The following SAMD5 variants were observed in gnomAD, a reference collection of about 807,000 sequenced individuals.
The protein encoded by SAMD5 is sterile alpha motif domain-containing protein 5.
Under a neutral mutation model 11.3 loss-of-function variants are expected in SAMD5, and 13 were observed. The ratio of observed to expected loss-of-function variants is 1.15; its 90% CI spans 0.75 to 1.83. The LOEUF is 1.83. Ranked by LOEUF, SAMD5 falls within the 40% of genes most tolerant of loss-of-function variation. The pLI is 0.00. For synonymous variants in SAMD5, 129 were observed against 111.3 expected (o/e 1.16, Z -1.00); for missense variants, 255 against 239.1 (o/e 1.07, Z -0.44).
At chr6:147,556,865 T>C (rs2128443668) in intron 1 of SAMD5, among the ~76,000 whole-genome samples, 1 of 152,312 alleles carries the variant, frequency 6.6e-6, no homozygotes. Context: ...AGAGCAATGC[T>C]TGAAAGTGGC....
At chr6:147,740,847 CAT>C (rs1791869954), downstream of SAMD5, among the ~76,000 whole-genome samples, 1 of 152,196 alleles carries the variant, frequency 6.6e-6, no homozygotes, top group Non-Finnish European at 1.5e-5. Flanking sequence ...CAAGGCTAAA[CAT>C]ACACACGAAG....
chr6:147,569,927 G>A lies in SAMD5; in HGVS notation c.*5471G>A. The A allele has an allele frequency of 1.0e-6, 1 of 984,744 alleles. No homozygotes were observed. The highest frequency in any genetic ancestry group is 1.2e-6 in the Non-Finnish European group (1 of 829,404). The allele number at this position is 984,744 out of a possible 1,614,324, so 61.0% of individuals were successfully genotyped here. A position where few individuals can be genotyped will look rare whatever the true frequency, so the allele number is the denominator to read the frequency against. On this transcript the variant is annotated 3_prime_UTR_variant, in exon 2 of 2. Transcript: ENST00000367474. ...AGAAGGCACTATGAAAAGCCTAATT[G>A]GAATAGCATTATGAACCATGTAATG...
downstream of SAMD5, among the ~76,000 whole-genome samples, chr6:147,739,375 C>T (rs541257101): frequency 1.7e-3 from 263 of 152,264 alleles, 1 homozygote; most frequent in Non-Finnish European, 3.1e-3. Context: ...GCCGGAAGAC[C>T]ATTTGAGCCC....
At chr6:147,591,054 A>T (rs1789445595) in intron 1 of SAMD5, among the ~76,000 whole-genome samples, 1 of 152,160 alleles carries the variant, frequency 6.6e-6, no homozygotes, top group South Asian at 2.1e-4. Context: ...AAGCTGTTAA[A>T]CAATGTAAAA....
the SAMD5 span, among the ~76,000 whole-genome samples, chr6:147,883,803 G>A: frequency 6.6e-6 from 1 of 152,154 alleles, no homozygotes; most frequent in Non-Finnish European, 1.5e-5. Context: ...CACTGCAAAT[G>A]TAATAATAAA....
Position 147,508,997 on chromosome 6 carries a change from G to A in SAMD5, c.69G>A (p.Val23=). 3 of 1,603,910 alleles carry A rather than the reference G, an allele frequency of 1.9e-6. No individual in the cohort carries two copies. Among genetic ancestry groups the A allele is most frequent in the Non-Finnish European group, 2.6e-6 (3 of 1,175,804 alleles). The stretch of plus-strand genomic sequence containing the variant: ...TTCCGCAGTACGCGGAGTCCTTCGT[G>A]GATAACGGCTACGATGACCTGGAGG... The part of the protein sequence containing the change: ...LQLPQYAESF[V]DNGYDDLEVC... Residue 23 remains valine, a synonymous_variant, in exon 1 of 2, where the codon GTG becomes GTA. Transcript: ENST00000367474.
At chr6:147,710,137 T>G (rs1791376439) in intron 1 of SAMD5, among the ~76,000 whole-genome samples, 1 of 152,222 alleles carries the variant, frequency 6.6e-6, no homozygotes, top group Non-Finnish European at 1.5e-5. Context: ...GTTCCTGTTG[T>G]GAACAAGCTC....
chr6:147,810,245 G>A, the SAMD5 span, among the ~76,000 whole-genome samples: 1 of 152,276 alleles, frequency 6.6e-6, no homozygotes, highest in South Asian at 2.1e-4. Context: ...AGAGATATTA[G>A]TATCAGTATC....
chr6:147,579,966 A>G (rs57341873), intron 1 of SAMD5, among the ~76,000 whole-genome samples: 3,857 of 152,304 alleles, frequency 0.025, 160 homozygotes, highest in African/African-American at 0.088. Flanking sequence ...TTCTTTCTAG[A>G]GAAATATAGT....
the SAMD5 span, among the ~76,000 whole-genome samples, chr6:147,834,994 C>T: frequency 2.0e-5 from 3 of 152,090 alleles, no homozygotes; most frequent in Non-Finnish European, 4.4e-5. Context: ...TTTGGGAGGC[C>T]GAGGTGGGCT....
At chr6:147,631,155 T>C (rs1204158037) in intron 1 of SAMD5, among the ~76,000 whole-genome samples, 1 of 152,170 alleles carries the variant, frequency 6.6e-6, no homozygotes, top group Admixed American at 6.5e-5. Context: ...TAAGGGGTGA[T>C]ATTGTGGGGT....
intron 1 of SAMD5, among the ~76,000 whole-genome samples, chr6:147,731,369 G>A (rs1791710106): frequency 6.6e-6 from 1 of 152,130 alleles, no homozygotes; most frequent in Admixed American, 6.5e-5. Context: ...AGTCTTGGAA[G>A]GTTAATATAT....
chr6:147,933,825 A>G, the SAMD5 span, among the ~76,000 whole-genome samples: 4 of 152,210 alleles, frequency 2.6e-5, no homozygotes, highest in South Asian at 2.1e-4. Context: ...CACAAAAATC[A>G]TATCCTGAGG....
intron 1 of SAMD5, among the ~76,000 whole-genome samples, chr6:147,664,609 A>T (rs369751555): frequency 1.5e-4 from 23 of 152,308 alleles, no homozygotes; most frequent in African/African-American, 5.3e-4. Flanking sequence ...ATCTCCATAT[A>T]ATGAAAATAA....
At chr6:147,716,447 G>A (rs1791468301) in intron 1 of SAMD5, among the ~76,000 whole-genome samples, 1 of 152,256 alleles carries the variant, frequency 6.6e-6, no homozygotes, top group African/African-American at 2.4e-5. Flanking sequence ...TGGGTCCACA[G>A]CTGTGGCTTG....
At chr6:147,882,278 T>C in the SAMD5 span, among the ~76,000 whole-genome samples, 8 of 152,316 alleles carry the variant, frequency 5.3e-5, no homozygotes, top group South Asian at 1.7e-3. Flanking sequence ...CATTATTTTA[T>C]AGAGCAGGAA....
At chr6:147,735,207 T>C (rs1554247835) in intron 1 of SAMD5, among the ~76,000 whole-genome samples, 2 of 152,240 alleles carry the variant, frequency 1.3e-5, no homozygotes, top group Non-Finnish European at 2.9e-5. Context: ...TGATAATTAA[T>C]GGATGATGGC....
At chr6:147,629,463 A>G (rs1248263097) in intron 1 of SAMD5, among the ~76,000 whole-genome samples, 4 of 152,230 alleles carry the variant, frequency 2.6e-5, no homozygotes, top group Non-Finnish European at 5.9e-5. Flanking sequence ...AAAAGCCCAT[A>G]TTTAGATTCA....
chr6:147,765,523 G>C, the SAMD5 span, among the ~76,000 whole-genome samples: 3,321 of 152,286 alleles, frequency 0.022, 59 homozygotes, highest in Non-Finnish European at 0.032. Flanking sequence ...CCAGAGAAAA[G>C]GCAACAGTGG....
Sources: gnomAD v4.1 joint callset for allele counts (sites outside exome capture counted in the v4.1 genomes callset) on GRCh38, gnomAD v4.1.1 for gene constraint, MANE v1.5 for transcripts, NCBI Gene and HGNC (gene_info 2026-07-23, HGNC 2026-07-21) for gene names.